The following CEP43 variants were observed in gnomAD, a reference collection of about 807,000 sequenced individuals.
CEP43 encodes FGFR1 oncogene partner.
CEP43 carries 36 observed loss-of-function variants against 52.6 expected under a neutral mutation model. The ratio of observed to expected loss-of-function variants is 0.68; its 90% CI spans 0.52 to 0.90. The LOEUF (loss-of-function observed/expected upper bound fraction) is 0.90. Ranked by LOEUF, CEP43 falls within the 40% of genes least tolerant of loss-of-function variation. The pLI is 0.00. For missense variants in CEP43, 506 were observed against 472.8 expected, an observed-to-expected ratio of 1.07 and a Z score of -0.65; for synonymous variants, 192 against 172.4, an observed-to-expected ratio of 1.11 and a Z score of -0.89.
In CEP43 at chr6:167,040,544, A is replaced by G; in HGVS notation, c.*566A>G. The G allele has an allele frequency of 9.1e-7, 1 of 1,102,130 alleles. No homozygotes were observed. Among genetic ancestry groups the G allele is most frequent in the Non-Finnish European group, 1.1e-6 (1 of 900,034 alleles). 68.3% of individuals were successfully genotyped at this position (1,102,130 alleles called of 1,614,324 possible). The stretch of plus-strand genomic sequence containing the variant: ...TTCCATTTGGAAGGTTTGTTAGACC[A>G]TTAAGGTTATATTAAAGTACTCTTG... On this transcript the variant is annotated 3_prime_UTR_variant, in exon 13 of 13. Coordinates refer to ENST00000366847, the MANE Select transcript of CEP43 (RefSeq NM_007045.4).
At chr6:167,021,015 GC>G (rs1348563308) in intron 7 of CEP43, among the ~76,000 whole-genome samples, 2 of 150,254 alleles carry the variant, frequency 1.3e-5, no homozygotes, top group African/African-American at 4.9e-5. Flanking sequence ...GACTGCTTGA[GC>G]CCAGGAGTTT....
chr6:167,028,847 A>G (rs1158678960), intron 10 of CEP43, among the ~76,000 whole-genome samples: 1 of 152,220 alleles, frequency 6.6e-6, no homozygotes, highest in Non-Finnish European at 1.5e-5. Flanking sequence ...GGGAACATAA[A>G]TTCTGAGTTC....
At chr6:167,023,270 C>T (rs561682088) in intron 8 of CEP43, among the ~76,000 whole-genome samples, 5 of 152,116 alleles carry the variant, frequency 3.3e-5, no homozygotes, top group South Asian at 2.1e-4. Context: ...CTTGATCTGG[C>T]GTACATTACA....
chr6:166,999,734 C>T, intron 1 of CEP43: 1 of 493,090 alleles, frequency 2.0e-6, no homozygotes, highest in East Asian at 3.5e-5. Context: ...ACTGGGGGTG[C>T]CTGGCCCATC....
intron 10 of CEP43, chr6:167,028,209 T>C: frequency 1.0e-6 from 1 of 985,456 alleles, no homozygotes. Context: ...AGCTTTTTTC[T>C]CTGACTGCTC....
In CEP43 at chr6:167,044,553, G is replaced by C. The variant is rs371366143; in HGVS notation, c.*4575G>C. On this transcript the variant is annotated 3_prime_UTR_variant, in exon 13 of 13. Coordinates refer to ENST00000366847, the MANE Select transcript of CEP43 (RefSeq NM_007045.4). ...ACCGGGTGAATGAGAGTGGCAGACA[G>C]AAGGAAACAGCAAGGCCTCTGAGGT... The C allele has an allele frequency of 1.6e-5, 16 of 985,372 alleles. No homozygotes were observed. In the East Asian group the frequency reaches 1.1e-3, roughly 70 times the overall value. 61.0% of individuals were successfully genotyped at this position (985,372 alleles called of 1,614,324 possible).
At position 167,041,782 on chromosome 6, in the gene CEP43, T is replaced by C; in HGVS notation, c.*1804T>C. On this transcript the variant is annotated 3_prime_UTR_variant, in exon 13 of 13. Transcript: ENST00000366847. ...AATATTTGGGAGGGTAAAAGAAATA[T>C]GCCAAATATGAAACTTTTTTGTCAG... 2.0e-6 allele frequency: 2 copies of C among 993,408 alleles called. No individual in the cohort carries two copies. Among genetic ancestry groups the C allele is most frequent in the African/African-American group, 1.9e-5 (1 of 53,616 alleles). 61.5% of individuals were successfully genotyped at this position (993,408 alleles called of 1,614,324 possible).
chr6:167,037,236 C>T lies in CEP43; in HGVS notation c.1126-2668C>T, dbSNP rs550117854. Among the ~76,000 whole-genome samples the T allele has an allele frequency of 1.8e-4, 27 of 152,250 alleles. 1 individual carries two copies. The East Asian group carries it at 5.2e-3, about 29-fold the overall frequency. On this transcript the variant is annotated intron_variant, in intron 12 of 12. Transcript: ENST00000366847. ...GTTATTATTGTGGTCTTTTCTTTGC[C>T]TTAAAGCAAAACTAAATTAATGATC... is the stretch of plus-strand genomic sequence containing the variant.
chr6:167,015,563 C>G (rs1780075991), intron 7 of CEP43, among the ~76,000 whole-genome samples: 1 of 152,182 alleles, frequency 6.6e-6, no homozygotes, highest in Non-Finnish European at 1.5e-5. Flanking sequence ...TCATGGGAGC[C>G]CTGCCTGTCC....
chr6:167,023,532 G>T (rs1554275565), intron 8 of CEP43, among the ~76,000 whole-genome samples: 1 of 152,194 alleles, frequency 6.6e-6, no homozygotes, highest in Non-Finnish European at 1.5e-5. Flanking sequence ...AGAGAAGATT[G>T]CTAGTGGAAA....
chr6:167,024,415 A>G (rs16899799), intron 8 of CEP43, among the ~76,000 whole-genome samples: 3,081 of 152,284 alleles, frequency 0.02, 50 homozygotes, highest in East Asian at 0.091. Context: ...TGTAAGCAAT[A>G]TTAAATCTGA....
rs1382050620 is a variant in CEP43 at position 167,040,427 on chromosome 6, C to T, written c.*449C>T. On this transcript the variant is annotated 3_prime_UTR_variant, in exon 13 of 13. Transcript: ENST00000366847. Reference sequence around the variant, plus strand: ...TATATTTTGATATTAGGTGGTTCTACACATAGTTGGCAAAATGACTTGGTA... The same window carrying T: ...TATATTTTGATATTAGGTGGTTCTATACATAGTTGGCAAAATGACTTGGTA... The T allele has an allele frequency of 3.2e-6, 4 of 1,246,900 alleles. No homozygotes were observed. The highest frequency in any genetic ancestry group is 4.0e-6 in the Non-Finnish European group (4 of 991,764). The allele number at this position is 1,246,900 out of a possible 1,614,324, so 77.2% of individuals were successfully genotyped here.
intron 4 of CEP43, 87 bp from the exon 5 acceptor site, chr6:167,004,177 T>A: frequency 7.3e-7 from 1 of 1,367,890 alleles, no homozygotes; most frequent in South Asian, 1.6e-5. Flanking sequence ...TTTAAAGATG[T>A]CTTTAAACTC....
In CEP43 at chr6:167,003,623, AC is replaced by A. The variant is rs111742057; in HGVS notation, c.212-98del. 7.4e-3 allele frequency: 5,081 copies of A among 685,634 alleles called. 179 individuals carry two copies. In the African/African-American group the frequency reaches 0.08, roughly 11 times the overall value. The allele number at this position is 685,634 out of a possible 1,614,324, so 42.5% of individuals were successfully genotyped here. A position where few individuals can be genotyped will look rare whatever the true frequency, so the allele number is the denominator to read the frequency against. ...AATTTGTAACTTAAAAAATTTAGAAACCTTTCTTCCATTAATTTAGTGTATC... is the reference window on the plus strand; with the variant it reads ...AATTTGTAACTTAAAAAATTTAGAAACTTTCTTCCATTAATTTAGTGTATC... On this transcript the variant is annotated intron_variant, in intron 3 of 12. Coordinates refer to ENST00000366847, the MANE Select transcript of CEP43 (RefSeq NM_007045.4).
chr6:167,033,922 T>C lies in CEP43; in HGVS notation c.1076T>C (p.Ile359Thr). Reference sequence around the variant, plus strand: ...AGTGAGATAAGTATTGGTGAAGAGATAGAAGAAGACCTTTCTGTGGAAATA... The same window carrying C: ...AGTGAGATAAGTATTGGTGAAGAGACAGAAGAAGACCTTTCTGTGGAAATA... ...EKSEISIGEEIEEDLSVEIDD... is the reference protein window; with the variant it reads ...EKSEISIGEETEEDLSVEIDD... Residue 359 changes from isoleucine to threonine, a missense_variant, in exon 12 of 13, where the codon ATA becomes ACA. Coordinates refer to ENST00000366847, the MANE Select transcript of CEP43 (RefSeq NM_007045.4). 6.2e-7 allele frequency: 1 copy of C among 1,602,912 alleles called. No individual in the cohort carries two copies. Among genetic ancestry groups the C allele is most frequent in the South Asian group, 1.1e-5 (1 of 89,598 alleles).
At chr6:167,002,102 T>G (rs940955907) in intron 2 of CEP43, among the ~76,000 whole-genome samples, 1 of 152,214 alleles carries the variant, frequency 6.6e-6, no homozygotes, top group African/African-American at 2.4e-5. Context: ...AATAGTTAAT[T>G]TATGCAGCTG....
In CEP43 at chr6:167,041,378, C is replaced by G. The variant is rs142695200; in HGVS notation, c.*1400C>G. 9.4e-7 allele frequency: 1 copy of G among 1,060,422 alleles called. No individual in the cohort carries two copies. Among genetic ancestry groups the G allele is most frequent in the East Asian group, 5.1e-5 (1 of 19,470 alleles). The allele number at this position is 1,060,422 out of a possible 1,614,324, so 65.7% of individuals were successfully genotyped here. On this transcript the variant is annotated 3_prime_UTR_variant, in exon 13 of 13. Coordinates refer to ENST00000366847, the MANE Select transcript of CEP43 (RefSeq NM_007045.4). ...AGAGGAAGTAGGACATAAACTGGGCCGGTACAGCCTGGGAGCCCTGTGTAT... is the reference window on the plus strand; with the variant it reads ...AGAGGAAGTAGGACATAAACTGGGCGGGTACAGCCTGGGAGCCCTGTGTAT...
Position 167,044,457 on chromosome 6 carries a change from A to T in CEP43, c.*4479A>T. On this transcript the variant is annotated 3_prime_UTR_variant, in exon 13 of 13. Coordinates refer to ENST00000366847, the MANE Select transcript of CEP43 (RefSeq NM_007045.4). ...CAGGAGACTTGGCCAGAGGACCTCC[A>T]GGCTGACAAAGTTTCCCCGAGGAAG... is the stretch of plus-strand genomic sequence containing the variant. 1 of 985,322 alleles carries T rather than the reference A, an allele frequency of 1.0e-6. No homozygotes were observed. The highest frequency in any genetic ancestry group is 1.2e-6 in the Non-Finnish European group (1 of 829,810). The allele number at this position is 985,322 out of a possible 1,614,324, so 61.0% of individuals were successfully genotyped here. A position where few individuals can be genotyped will look rare whatever the true frequency, so the allele number is the denominator to read the frequency against.
intron 11 of CEP43, 126 bp downstream of exon 11, chr6:167,032,768 T>A: frequency 1.2e-6 from 1 of 830,298 alleles, no homozygotes; most frequent in Non-Finnish European, 1.7e-6. Flanking sequence ...TTCATATTGA[T>A]TGAAGATGAA....
Sources: gnomAD v4.1 joint callset for allele counts (sites outside exome capture counted in the v4.1 genomes callset) on GRCh38, gnomAD v4.1.1 for gene constraint, MANE v1.5 for transcripts, NCBI Gene and HGNC (gene_info 2026-07-23, HGNC 2026-07-21) for gene names.